The following RARRES1 variants were observed in gnomAD, a reference collection of about 807,000 sequenced individuals.
The protein encoded by RARRES1 is retinoic acid receptor responder protein 1.
Under a neutral mutation model 30.6 loss-of-function variants are expected in RARRES1, and 34 were observed. The observed-to-expected ratio is 1.11, with a 90% confidence interval of 0.84 to 1.48. The LOEUF (loss-of-function observed/expected upper bound fraction) is 1.48, where lower values mean the gene tolerates loss of function less well. Ranked by LOEUF, RARRES1 falls within the 40% of genes most tolerant of loss-of-function variation. RARRES1 has a pLI of 0.00. For missense variants in RARRES1, 373 were observed against 386.5 expected, an observed-to-expected ratio of 0.97 and a Z score of 0.29; for synonymous variants, 153 against 155.5, an observed-to-expected ratio of 0.98 and a Z score of 0.12.
intron 1 of RARRES1, among the ~76,000 whole-genome samples, chr3:158,716,652 C>G (rs987808143): frequency 1.1e-4 from 16 of 151,258 alleles, no homozygotes; most frequent in African/African-American, 3.6e-4. Context: ...GGCACGATCT[C>G]GGCTCACTGC....
At chr3:158,731,887 A>C (rs1727899450) in intron 1 of RARRES1, among the ~76,000 whole-genome samples, 1 of 152,092 alleles carries the variant, frequency 6.6e-6, no homozygotes, top group African/African-American at 2.4e-5. Flanking sequence ...CCTGTGAAAA[A>C]CCTATGACCT....
At chr3:158,726,019 T>A (rs1410171562) in intron 1 of RARRES1, among the ~76,000 whole-genome samples, 2 of 152,250 alleles carry the variant, frequency 1.3e-5, no homozygotes, top group African/African-American at 2.4e-5. Flanking sequence ...TCCCCCTCCC[T>A]GCTGTTCTTT....
Position 158,732,141 on chromosome 3 carries a change from C to T in RARRES1, c.275G>A (p.Trp92Ter), listed in dbSNP as rs1375028429. ...VLAEVQEGRA[W>*]INPKEGCKVH... Reference sequence around the variant, plus strand: ...CCCGGCGCGTCGCTCCGCACTCACCCACGCGCGGCCCTCCTGCACCTCGGC... The same window carrying T: ...CCCGGCGCGTCGCTCCGCACTCACCTACGCGCGGCCCTCCTGCACCTCGGC... Residue 92 changes from tryptophan (W) to a stop codon, truncating the protein, a stop_gained and splice_region_variant, in exon 1 of 6, where the codon TGG (tryptophan) becomes TAG (stop). Coordinates refer to ENST00000237696, the MANE Select transcript of RARRES1 (RefSeq NM_206963.2). LOFTEE classifies it high-confidence loss of function. 8 of 1,373,000 alleles carry T rather than the reference C, an allele frequency of 5.8e-6. No homozygotes were observed. Among genetic ancestry groups the T allele is most frequent in the Non-Finnish European group, 7.5e-6 (8 of 1,071,416 alleles). 85.1% of individuals were successfully genotyped at this position (1,373,000 alleles called of 1,614,324 possible). A position where few individuals can be genotyped will look rare whatever the true frequency, so the allele number is the denominator to read the frequency against.
rs144313592 is a variant in RARRES1 at position 158,717,848 on chromosome 3, G to A, written c.277-3989C>T. On this transcript the variant is annotated intron_variant, in intron 1 of 5. Coordinates refer to ENST00000237696, the MANE Select transcript of RARRES1 (RefSeq NM_206963.2). ...CCAGGTTGCCCCCCAGCCAGGCTGCGGCAGGCCACCCTCCCACCAGCCATG... is the reference window on the plus strand; with the variant it reads ...CCAGGTTGCCCCCCAGCCAGGCTGCAGCAGGCCACCCTCCCACCAGCCATG... Among the ~76,000 whole-genome samples the A allele has an allele frequency of 9.5e-3, 1,453 of 152,188 alleles. 12 individuals carry two copies. Among genetic ancestry groups the A allele is most frequent in the Middle Eastern group, 0.017 (5 of 294 alleles).
At chr3:158,702,605 C>T (rs1018548432) in intron 4 of RARRES1, among the ~76,000 whole-genome samples, 2 of 152,198 alleles carry the variant, frequency 1.3e-5, no homozygotes, top group Admixed American at 6.5e-5. Flanking sequence ...TTTCCTCTCA[C>T]ATTTACTACA....
At chr3:158,715,298 C>G (rs1198252067) in intron 1 of RARRES1, among the ~76,000 whole-genome samples, 1 of 152,212 alleles carries the variant, frequency 6.6e-6, no homozygotes, top group African/African-American at 2.4e-5. Context: ...TGTAGCTGAT[C>G]AGTGTGGCAG....
At chr3:158,716,825 C>T (rs1193974067) in intron 1 of RARRES1, among the ~76,000 whole-genome samples, 1 of 152,192 alleles carries the variant, frequency 6.6e-6, no homozygotes, top group African/African-American at 2.4e-5. Flanking sequence ...CTCAGGCAAT[C>T]CGCCTGCCTC....
chr3:158,714,146 G>A (rs1727242025), intron 1 of RARRES1, among the ~76,000 whole-genome samples: 1 of 152,166 alleles, frequency 6.6e-6, no homozygotes. Context: ...AAGAACAGGA[G>A]TGTGCAGGGA....
intron 4 of RARRES1, among the ~76,000 whole-genome samples, chr3:158,703,132 T>C (rs143468644): frequency 2.2e-4 from 33 of 152,306 alleles, no homozygotes; most frequent in African/African-American, 7.7e-4. Flanking sequence ...TCTCAGCTTA[T>C]TACTTTGCCT....
chr3:158,719,347 C>T (rs1389094372), intron 1 of RARRES1, among the ~76,000 whole-genome samples: 1 of 150,532 alleles, frequency 6.6e-6, no homozygotes, highest in Non-Finnish European at 1.5e-5. Context: ...TCTCAGCTCA[C>T]TGCACCCTCC....
At chr3:158,705,703 C>G (rs1173670909) in intron 3 of RARRES1, 3 of 152,216 alleles carry the variant, frequency 2.0e-5, no homozygotes, top group Non-Finnish European at 4.4e-5. Flanking sequence ...GTCTTTGCTT[C>G]CCAGTCTGCC....
intron 3 of RARRES1, among the ~76,000 whole-genome samples, chr3:158,705,906 G>T (rs542689252): frequency 5.7e-4 from 86 of 152,146 alleles, no homozygotes; most frequent in Non-Finnish European, 9.7e-4. Flanking sequence ...ACTGTGAGAG[G>T]TTAGGGATAC....
At chr3:158,717,547 G>C (rs531351349) in intron 1 of RARRES1, among the ~76,000 whole-genome samples, 1 of 152,378 alleles carries the variant, frequency 6.6e-6, no homozygotes, top group Admixed American at 6.5e-5. Context: ...GCTGGAGCTG[G>C]GACCCGGTAA....
chr3:158,697,443 C>T lies in RARRES1; in HGVS notation c.*235G>A, dbSNP rs1726581638. The T allele has an allele frequency of 7.9e-6, 3 of 379,338 alleles. 1 individual carries two copies. The South Asian group carries it at 2.2e-4, about 28-fold the overall frequency. 23.5% of individuals were successfully genotyped at this position (379,338 alleles called of 1,614,324 possible). On this transcript the variant is annotated 3_prime_UTR_variant, in exon 6 of 6. Transcript: ENST00000237696. ...TTTTAGGGCTGAAACCCTGAGGAAC[C>T]TGCTGGTGACTGTTTAGCACTGAGC...
chr3:158,711,778 T>G (rs749318265), intron 2 of RARRES1, among the ~76,000 whole-genome samples: 2 of 152,044 alleles, frequency 1.3e-5, no homozygotes, highest in African/African-American at 2.4e-5. Flanking sequence ...GTATTTTTAG[T>G]AGAGATGGGG....
chr3:158,729,954 C>T (rs1232658523), intron 1 of RARRES1, among the ~76,000 whole-genome samples: 1 of 152,140 alleles, frequency 6.6e-6, no homozygotes, highest in African/African-American at 2.4e-5. Context: ...TTCTCAAGGT[C>T]CGTTATCTCA....
chr3:158,716,232 A>G (rs555604989), intron 1 of RARRES1, among the ~76,000 whole-genome samples: 2 of 152,286 alleles, frequency 1.3e-5, no homozygotes, highest in Admixed American at 1.3e-4. Flanking sequence ...TGTCTCGGAA[A>G]ATGCTGAGGG....
intron 1 of RARRES1, among the ~76,000 whole-genome samples, chr3:158,717,759 G>A (rs1399847022): frequency 6.6e-6 from 1 of 152,174 alleles, no homozygotes; most frequent in Non-Finnish European, 1.5e-5. Flanking sequence ...GGGAGAGGGA[G>A]CAGGGCTTGG....
In RARRES1 at chr3:158,697,468, C is replaced by T; in HGVS notation, c.*210G>A. The T allele has an allele frequency of 1.9e-6, 1 of 524,346 alleles. No homozygotes were observed. The highest frequency in any genetic ancestry group is 2.7e-5 in the South Asian group (1 of 36,486). 32.5% of individuals were successfully genotyped at this position (524,346 alleles called of 1,614,324 possible). The stretch of plus-strand genomic sequence containing the variant: ...CTGCTGGTGACTGTTTAGCACTGAG[C>T]AGAGTTCAGTGTGCATGCGCTTCCA... On this transcript the variant is annotated 3_prime_UTR_variant, in exon 6 of 6. Coordinates refer to ENST00000237696, the MANE Select transcript of RARRES1 (RefSeq NM_206963.2).
Sources: gnomAD v4.1 joint callset for allele counts (sites outside exome capture counted in the v4.1 genomes callset) on GRCh38, gnomAD v4.1.1 for gene constraint, MANE v1.5 for transcripts, NCBI Gene and HGNC (gene_info 2026-07-23, HGNC 2026-07-21) for gene names.